HBS1L: variants seen among roughly 807,000 people sequenced by gnomAD.
HBS1L encodes the protein HBS1 like translational GTPase, also known as HBS1-like protein.
In HBS1L, 55 loss-of-function variants were observed where a neutral mutation model predicts 88.9. That is an observed-to-expected ratio of 0.62 (90% CI 0.50 to 0.77). The LOEUF is 0.77. HBS1L is among the 30% of genes least tolerant of loss of function. HBS1L has a pLI of 0.00. For synonymous variants in HBS1L, 267 were observed against 288.5 expected (o/e 0.93, Z 0.76); for missense variants, 741 against 829.3 (o/e 0.89, Z 1.31).
chr6:135,034,697 G>A (rs774916256), intron 4 of HBS1L, among the ~76,000 whole-genome samples: 2 of 152,100 alleles, frequency 1.3e-5, no homozygotes, highest in Non-Finnish European at 2.9e-5. Context: ...TTTTTCCAAG[G>A]AATACTAATA....
At chr6:135,028,713 TTCA>T (rs1192279205) in intron 4 of HBS1L, among the ~76,000 whole-genome samples, 2 of 152,252 alleles carry the variant, frequency 1.3e-5, no homozygotes, top group Middle Eastern at 3.4e-3. Flanking sequence ...GAGACGGTTC[TTCA>T]TCATAAGACT....
intron 4 of HBS1L, among the ~76,000 whole-genome samples, chr6:135,039,328 C>CA (rs528865931): frequency 1.5e-3 from 220 of 146,162 alleles, no homozygotes; most frequent in African/African-American, 5.2e-3. Flanking sequence ...AAAAAACAAA[C>CA]AAAAAAACAA....
At chr6:135,035,845 C>CATGCAACCA (rs1776530106) in intron 4 of HBS1L, 4 of 711,408 alleles carry the variant, frequency 5.6e-6, no homozygotes, top group Admixed American at 7.2e-5. Context: ...ATTCAAAGAA[C>CATGCAACCA]ATGCAACCAT....
At chr6:134,982,260 A>T in intron 13 of HBS1L, 198 bp downstream of exon 13, 1 of 543,366 alleles carries the variant, frequency 1.8e-6, no homozygotes, top group Non-Finnish European at 3.3e-6. Flanking sequence ...ATGTACATAT[A>T]TATACAGACA....
chr6:134,982,482 G>T lies in HBS1L; in HGVS notation c.1573C>A (p.Pro525Thr). 1.2e-6 allele frequency: 2 copies of T among 1,607,456 alleles called. No individual in the cohort carries two copies. Among genetic ancestry groups the T allele is most frequent in the Non-Finnish European group, 1.7e-6 (2 of 1,174,562 alleles). The change falls in exon 13 of 18, where the codon CCT becomes ACT. Residue 525 changes from proline to threonine, a missense_variant. Pro to Thr is a conservative substitution (Grantham distance 38, BLOSUM62 -1). Around this residue, in one of 3 missense-constraint regions of HBS1L, gnomAD observed 181 missense variants for 212.7 expected, o/e 0.85. Coordinates refer to ENST00000367837, the MANE Select transcript of HBS1L (RefSeq NM_006620.4). ...QTGDRLLAMP[P>T]NETCTVKGIT... Reference sequence around the variant, plus strand: ...CCTTTCACGGTACAAGTTTCATTAGGAGGCATTGCCAGTAGTCGGTCACCA... The same window carrying T: ...CCTTTCACGGTACAAGTTTCATTAGTAGGCATTGCCAGTAGTCGGTCACCA...
At chr6:135,054,499 TAGA>T in intron 1 of HBS1L, 147 bp downstream of exon 1, 2 of 840,352 alleles carry the variant, frequency 2.4e-6, no homozygotes, top group Non-Finnish European at 3.8e-6. Context: ...TTGAAAGCAC[TAGA>T]AGGCCTGTTA....
At chr6:135,028,519 C>T (rs1003138468) in intron 4 of HBS1L, among the ~76,000 whole-genome samples, 5 of 152,102 alleles carry the variant, frequency 3.3e-5, no homozygotes, top group East Asian at 1.9e-4. Flanking sequence ...CATTTCAATG[C>T]TACTGAATTA....
In HBS1L at chr6:135,039,709, A is replaced by G. The variant is rs770514246; in HGVS notation, c.294T>C (p.Asp98=). ...MREVLGDAVP[D]EILIEAVLKN... ...TCAGAACTGCTTCAATTAATATTTCATCTGGCACAGCATCTCCAAGTACCT... is the reference window on the plus strand; with the variant it reads ...TCAGAACTGCTTCAATTAATATTTCGTCTGGCACAGCATCTCCAAGTACCT... The change falls in exon 4 of 18, where the codon GAT becomes GAC. Residue 98 remains aspartate, a synonymous_variant. Transcript: ENST00000367837. 2 of 1,613,928 alleles carry G rather than the reference A, an allele frequency of 1.2e-6. No individual in the cohort carries two copies. Among genetic ancestry groups the G allele is most frequent in the South Asian group, 1.1e-5 (1 of 91,084 alleles).
At chr6:134,973,473 G>T (rs1774551677) in intron 15 of HBS1L, among the ~76,000 whole-genome samples, 1 of 152,156 alleles carries the variant, frequency 6.6e-6, no homozygotes, top group Non-Finnish European at 1.5e-5. Context: ...CTGTGTCATG[G>T]GTACAGATTT....
chr6:135,050,624 C>T lies in HBS1L; in HGVS notation c.67G>A (p.Gly23Ser), dbSNP rs757765891. Residue 23 changes from glycine to serine, a missense_variant, in exon 2 of 18, where the codon GGC becomes AGC. By Grantham distance (56) the Gly-to-Ser change is moderately conservative. Coordinates refer to ENST00000367837, the MANE Select transcript of HBS1L (RefSeq NM_006620.4). ...CAATAATCATCCTCTACAGACTGGCCGTAGAGATCATCATCTTCAAAATCT... is the reference window on the plus strand; with the variant it reads ...CAATAATCATCCTCTACAGACTGGCTGTAGAGATCATCATCTTCAAAATCT... ...DEDFEDDDLY[G>S]QSVEDDYCIS... 6 of 1,593,280 alleles carry T rather than the reference C, an allele frequency of 3.8e-6. No homozygotes were observed. The highest frequency in any genetic ancestry group is 1.3e-5 in the African/African-American group (1 of 74,262).
At chr6:135,004,262 A>T (rs1187273713) in intron 4 of HBS1L, among the ~76,000 whole-genome samples, 3 of 33,972 alleles carry the variant, frequency 8.8e-5, no homozygotes, top group African/African-American at 2.3e-4. Context: ...CTAAATGATA[A>T]AAAAAAAAAA....
chr6:135,042,174 T>G, intron 2 of HBS1L, 48 bp from the exon 3 acceptor site: 1 of 1,503,178 alleles, frequency 6.7e-7, no homozygotes, highest in African/African-American at 1.4e-5. Flanking sequence ...CCATTTCCTA[T>G]TAACTTTTTT....
chr6:135,011,204 T>C (rs1475431849), intron 4 of HBS1L, among the ~76,000 whole-genome samples: 1 of 152,198 alleles, frequency 6.6e-6, no homozygotes, highest in African/African-American at 2.4e-5. Flanking sequence ...AAGACAGATA[T>C]ACAAATTTGT....
At chr6:135,022,409 A>C (rs1318796972) in intron 4 of HBS1L, among the ~76,000 whole-genome samples, 3 of 152,154 alleles carry the variant, frequency 2.0e-5, no homozygotes, top group Non-Finnish European at 4.4e-5. Flanking sequence ...CTGTTCATGA[A>C]GATACACAGT....
At position 135,003,898 on chromosome 6, in the gene HBS1L, A is replaced by T. The variant is rs555780009; in HGVS notation, c.431-1056T>A. Among the ~76,000 whole-genome samples, 5 of 152,300 alleles carry T rather than the reference A, an allele frequency of 3.3e-5. No homozygotes were observed. The East Asian group carries it at 7.7e-4, about 23-fold the overall frequency. On this transcript the variant is annotated intron_variant, in intron 4 of 17. Coordinates refer to ENST00000367837, the MANE Select transcript of HBS1L (RefSeq NM_006620.4). Reference sequence around the variant, plus strand: ...AATGAATAAATAAATAAAAATAATTAAAAATGGAGGGATGGAGGAGAATAA... The same window carrying T: ...AATGAATAAATAAATAAAAATAATTTAAAATGGAGGGATGGAGGAGAATAA...
In HBS1L at chr6:134,993,941, A is replaced by T. The variant is rs1775218284; in HGVS notation, c.966-66T>A. 5 of 629,904 alleles carry T rather than the reference A, an allele frequency of 7.9e-6. No individual in the cohort carries two copies. In the Admixed American group the frequency reaches 1.3e-4, roughly 16 times the overall value. 39.0% of individuals were successfully genotyped at this position (629,904 alleles called of 1,614,324 possible). On this transcript the variant is annotated intron_variant, in intron 7 of 17. Transcript: ENST00000367837. The stretch of plus-strand genomic sequence containing the variant: ...TAGTGCTATAGAGTAAATTAATAAT[A>T]GTCTACATGACCATCTACATTCTTA...
At chr6:135,040,341 A>ATTCCT in intron 3 of HBS1L, among the ~76,000 whole-genome samples, 1 of 103,868 alleles carries the variant, frequency 9.6e-6, no homozygotes, top group Admixed American at 1.0e-4. Context: ...GAGGATAGGC[A>ATTCCT]TTCTTTTTTT....
rs1230762601 is a variant in HBS1L, at chr6:135,031,672, T to C, written c.430+7901A>G. Among the ~76,000 whole-genome samples the C allele has an allele frequency of 2.6e-5, 4 of 152,142 alleles. No homozygotes were observed. In the East Asian group the frequency reaches 7.7e-4, roughly 29 times the overall value. ...TGCCACACTGCAATAAAGATAATCA[T>C]GTGCTGAAGTGTGCATATATCCTCC... is the stretch of plus-strand genomic sequence containing the variant. On this transcript the variant is annotated intron_variant, in intron 4 of 17. Transcript: ENST00000367837.
intron 3 of HBS1L, among the ~76,000 whole-genome samples, chr6:135,040,344 CTTT>C (rs71006751): frequency 9.1e-6 from 1 of 110,060 alleles, no homozygotes; most frequent in Admixed American, 1.1e-4. Flanking sequence ...GATAGGCATT[CTTT>C]TTTTTTTTTT....
Sources: gnomAD v4.1 joint callset for allele counts (sites outside exome capture counted in the v4.1 genomes callset) on GRCh38, gnomAD v4.1.1 for gene constraint, gnomAD v4.1.1 regional missense constraint, MANE v1.5 for transcripts, NCBI Gene and HGNC (gene_info 2026-07-23, HGNC 2026-07-21) for gene names.